The following OR6N1 variants were observed in gnomAD, a reference collection of about 807,000 sequenced individuals.
The protein encoded by OR6N1 is olfactory receptor family 6 subfamily N member 1, also known as olfactory receptor 6N1.
For synonymous variants in OR6N1, 170 were observed against 150.7 expected, an observed-to-expected ratio of 1.13 and a Z score of -0.94; for missense variants, 394 against 371.7, an observed-to-expected ratio of 1.06 and a Z score of -0.49.
At chr1:158,799,364 C>T in the OR6N1 span, among the ~76,000 whole-genome samples, 4 of 152,076 alleles carry the variant, frequency 2.6e-5, no homozygotes, top group Non-Finnish European at 2.9e-5. Context: ...TCATATAAAT[C>T]GTGTTTAAAA....
chr1:158,827,547 A>G, the OR6N1 span, among the ~76,000 whole-genome samples: 3 of 150,568 alleles, frequency 2.0e-5, no homozygotes, highest in African/African-American at 4.8e-5. Context: ...AGAATATGCT[A>G]TCATCTATTT....
the OR6N1 span, among the ~76,000 whole-genome samples, chr1:158,785,642 A>G: frequency 1.3e-5 from 2 of 152,182 alleles, no homozygotes; most frequent in African/African-American, 4.8e-5. Flanking sequence ...AACTACATAG[A>G]GCTAGGAGAG....
the OR6N1 span, among the ~76,000 whole-genome samples, chr1:158,783,876 G>A: frequency 1.3e-5 from 2 of 152,258 alleles, no homozygotes; most frequent in Non-Finnish European, 2.9e-5. Flanking sequence ...GGATGCCAAG[G>A]CAGGTGGATC....
the OR6N1 span, among the ~76,000 whole-genome samples, chr1:158,779,084 G>T: frequency 6.7e-6 from 1 of 148,488 alleles, no homozygotes; most frequent in Admixed American, 6.7e-5. Flanking sequence ...CATGCATCTT[G>T]TGTTTTCATA....
the OR6N1 span, among the ~76,000 whole-genome samples, chr1:158,798,135 C>T: frequency 1.3e-5 from 2 of 151,774 alleles, no homozygotes; most frequent in African/African-American, 2.4e-5. Context: ...CTTATTTTTG[C>T]CCCTCTCTCT....
At chr1:158,800,814 T>C in the OR6N1 span, among the ~76,000 whole-genome samples, 2 of 152,212 alleles carry the variant, frequency 1.3e-5, no homozygotes, top group Admixed American at 6.5e-5. Context: ...AGAGTTTTTA[T>C]TTCAAAAATA....
upstream of OR6N1, chr1:158,774,283 G>C (rs193049013): frequency 2.6e-5 from 4 of 152,316 alleles, no homozygotes; most frequent in East Asian, 7.7e-4. Context: ...TGACAGCAGG[G>C]AGGATTTGGA....
the OR6N1 span, among the ~76,000 whole-genome samples, chr1:158,833,002 T>TA: frequency 6.6e-6 from 1 of 152,248 alleles, no homozygotes; most frequent in African/African-American, 2.4e-5. Context: ...TTCTTATTTT[T>TA]AAAAAATCTA....
the OR6N1 span, among the ~76,000 whole-genome samples, chr1:158,791,339 A>C: frequency 1.1e-4 from 17 of 151,970 alleles, no homozygotes; most frequent in Admixed American, 1.1e-3. Flanking sequence ...TTTTTCTCTT[A>C]ATTTCATTAA....
chr1:158,783,933 G>A, the OR6N1 span, among the ~76,000 whole-genome samples: 1 of 151,754 alleles, frequency 6.6e-6, no homozygotes, highest in Admixed American at 6.6e-5. Context: ...GGTGAAAACC[G>A]GTCTCTACTA....
At chr1:158,796,397 C>T in the OR6N1 span, among the ~76,000 whole-genome samples, 3 of 152,056 alleles carry the variant, frequency 2.0e-5, no homozygotes, top group Non-Finnish European at 4.4e-5. Flanking sequence ...GTCTTGTAGG[C>T]TTCCTTCATT....
chr1:158,765,822 G>A lies in OR6N1; in HGVS notation c.861C>T (p.Pro287=), dbSNP rs752445418. Residue 287 remains proline (P), a synonymous_variant, in exon 2 of 2, where the codon CCC becomes CCT. Transcript: ENST00000641846. ...VYSVLTPFLN[P]FIYSLRNKEI... ...CCTTGTTGCGCAAGCTGTAGATGAA[G>A]GGGTTGAGGAAGGGTGTGAGCACTG... 1.7e-5 allele frequency: 28 copies of A among 1,614,056 alleles called. No homozygotes were observed. In the South Asian group the frequency reaches 2.7e-4, roughly 16 times the overall value.
chr1:158,813,681 A>G, the OR6N1 span, among the ~76,000 whole-genome samples: 1 of 149,672 alleles, frequency 6.7e-6, no homozygotes. Context: ...ATTTTTTAAT[A>G]ATGTATATGT....
chr1:158,777,595 A>G, the OR6N1 span: 3 of 1,614,002 alleles, frequency 1.9e-6, no homozygotes, highest in Non-Finnish European at 2.5e-6. Context: ...AAAGCCAAGG[A>G]ACACAAATTC....
At chr1:158,776,669 C>T, upstream of OR6N1, 3 of 1,495,410 alleles carry the variant, frequency 2.0e-6, no homozygotes, top group Non-Finnish European at 2.8e-6. Context: ...TGAGAAAGGA[C>T]ATGGGAAGAA....
At chr1:158,798,094 T>C in the OR6N1 span, among the ~76,000 whole-genome samples, 2 of 152,154 alleles carry the variant, frequency 1.3e-5, no homozygotes, top group South Asian at 4.1e-4. Flanking sequence ...GATGCATCTG[T>C]AATTCTGCCA....
At position 158,764,555 on chromosome 1, in the gene OR6N1, G is replaced by A. The variant is rs1374020506; in HGVS notation, c.*1189C>T. ...ATGGATGAATACCTTTAAAAGTGTGGTATTAAAAATATTTTGTAATCTTCT... is the reference window on the plus strand; with the variant it reads ...ATGGATGAATACCTTTAAAAGTGTGATATTAAAAATATTTTGTAATCTTCT... On this transcript the variant is annotated 3_prime_UTR_variant, in exon 2 of 2. Transcript: ENST00000641846. The A allele has an allele frequency of 6.6e-6, 1 of 151,896 alleles. No homozygotes were observed. The highest frequency in any genetic ancestry group is 1.9e-4 in the East Asian group (1 of 5,182). The allele number at this position is 151,896 out of a possible 1,614,324, so 9.4% of individuals were successfully genotyped here. A position where few individuals can be genotyped will look rare whatever the true frequency, so the allele number is the denominator to read the frequency against.
intron 1 of OR6N1, among the ~76,000 whole-genome samples, chr1:158,768,522 T>A (rs1253673217): frequency 6.6e-6 from 1 of 152,218 alleles, no homozygotes; most frequent in African/African-American, 2.4e-5. Flanking sequence ...CCCCTCTTAC[T>A]GTAATTGACT....
the OR6N1 span, chr1:158,777,628 T>C: frequency 1.2e-6 from 2 of 1,608,456 alleles, no homozygotes; most frequent in African/African-American, 1.3e-5. Context: ...ATGGTTGTAT[T>C]GATCCATGGG....
Sources: gnomAD v4.1 joint callset for allele counts (sites outside exome capture counted in the v4.1 genomes callset) on GRCh38, gnomAD v4.1.1 for gene constraint, MANE v1.5 for transcripts, NCBI Gene and HGNC (gene_info 2026-07-23, HGNC 2026-07-21) for gene names.